Variants in ZC3H12B observed in about 807,000 individuals in gnomAD.
ZC3H12B encodes the protein probable ribonuclease ZC3H12B.
Under a neutral mutation model 43.9 loss-of-function variants are expected in ZC3H12B, and 7 were observed. That is an observed-to-expected ratio of 0.16 (90% CI 0.09 to 0.30). ZC3H12B has a LOEUF of 0.30. ZC3H12B is among the 10% of genes least tolerant of loss of function. The probability of loss-of-function intolerance (pLI) is 1.00; values close to 1 mark genes in which losing one functional copy is unlikely to be tolerated. For synonymous variants in ZC3H12B, 222 were observed against 241.7 expected, an observed-to-expected ratio of 0.92 and a Z score of 0.76; for missense variants, 475 against 670.2, an observed-to-expected ratio of 0.71 and a Z score of 3.22.
At chrX:65,068,619 C>G in the ZC3H12B span, among the ~76,000 whole-genome samples, 1 of 111,530 alleles carries the variant, frequency 9.0e-6, no homozygotes, top group Admixed American at 9.5e-5. Context: ...ATTTGTTCAT[C>G]GTTCATTCTT....
At chrX:65,305,422 G>A in the ZC3H12B span, among the ~76,000 whole-genome samples, 1 of 111,742 alleles carries the variant, frequency 8.9e-6, no homozygotes, top group Admixed American at 9.5e-5. Flanking sequence ...TTTTTATTTA[G>A]TGTTGGAATC....
chrX:65,314,833 A>G, the ZC3H12B span, among the ~76,000 whole-genome samples: 1 of 111,060 alleles, frequency 9.0e-6, no homozygotes, highest in African/African-American at 3.3e-5. Context: ...GTATGTAGAC[A>G]TAAGATATAT....
At chrX:65,496,131 AT>A (rs2068277174) in intron 1 of ZC3H12B, among the ~76,000 whole-genome samples, 1 of 112,264 alleles carries the variant, frequency 8.9e-6, no homozygotes, top group Non-Finnish European at 1.9e-5. Flanking sequence ...TTCTAAGCTT[AT>A]ACATAGGTTT....
the ZC3H12B span, among the ~76,000 whole-genome samples, chrX:65,054,369 C>G: frequency 9.6e-6 from 1 of 104,185 alleles, no homozygotes; most frequent in African/African-American, 3.4e-5. Context: ...ATAGGGAATC[C>G]TTTCCCCATT....
intron 3 of ZC3H12B, among the ~76,000 whole-genome samples, chrX:65,419,563 G>C (rs748615488): frequency 2.2e-4 from 24 of 111,459 alleles, no homozygotes; most frequent in African/African-American, 7.2e-4. Context: ...ACATATGACT[G>C]CTCCCCAAAG....
the ZC3H12B span, among the ~76,000 whole-genome samples, chrX:65,218,628 G>T: frequency 9.1e-6 from 1 of 110,310 alleles, no homozygotes; most frequent in African/African-American, 3.3e-5. Flanking sequence ...ATTGCCCCAG[G>T]AACCACACCC....
chrX:65,494,654 G>A (rs947260634), intron 1 of ZC3H12B, among the ~76,000 whole-genome samples: 2 of 109,168 alleles, frequency 1.8e-5, no homozygotes, highest in South Asian at 3.9e-4. Context: ...GTTGGCGTGC[G>A]TTTGTAATCC....
chrX:65,438,025 C>G (rs1310885270), intron 3 of ZC3H12B, among the ~76,000 whole-genome samples: 33 of 111,962 alleles, frequency 2.9e-4, no homozygotes, highest in Non-Finnish European at 1.3e-4. Context: ...TTCTTGACAC[C>G]TTTGTCAAAT....
chrX:65,173,282 A>G, the ZC3H12B span, among the ~76,000 whole-genome samples: 1 of 112,091 alleles, frequency 8.9e-6, no homozygotes, highest in African/African-American at 3.2e-5. Context: ...GTATCCTGAC[A>G]CTTTGCTGAA....
chrX:65,262,181 G>A, the ZC3H12B span, among the ~76,000 whole-genome samples: 2 of 110,645 alleles, frequency 1.8e-5, no homozygotes, highest in East Asian at 2.8e-4. Context: ...GTTTTAAAAC[G>A]CAAAGTTTTC....
At chrX:65,479,567 T>C (rs940555713) in intron 3 of ZC3H12B, among the ~76,000 whole-genome samples, 1 of 110,987 alleles carries the variant, frequency 9.0e-6, no homozygotes, top group Non-Finnish European at 1.9e-5. Context: ...CGGGTTTCAC[T>C]GCATTGGCCA....
chrX:65,131,638 T>C, the ZC3H12B span, among the ~76,000 whole-genome samples: 1 of 111,489 alleles, frequency 9.0e-6, no homozygotes, highest in Non-Finnish European at 1.9e-5. Flanking sequence ...TTAGTCAGGA[T>C]GGTAAAACTA....
chrX:65,118,919 G>A, the ZC3H12B span, among the ~76,000 whole-genome samples: 14,455 of 107,178 alleles, frequency 0.13, 2,488 homozygotes, highest in African/African-American at 0.46. Flanking sequence ...CTGTCCTTGC[G>A]ATAGTTTCCT....
At chrX:65,171,655 G>A in the ZC3H12B span, among the ~76,000 whole-genome samples, 2 of 111,222 alleles carry the variant, frequency 1.8e-5, no homozygotes, top group Non-Finnish European at 3.8e-5. Context: ...GTCTACAGAG[G>A]TAGGCAGGCC....
chrX:65,372,419 T>C lies in ZC3H12B; in HGVS notation n.295+3421T>C, dbSNP rs764038363. ...CACTGACATCATGGGGCTTTCAGCC[T>C]GATTGCGGACATATTTTAAGAAAGG... On this transcript the variant is annotated intron_variant and non_coding_transcript_variant, in intron 2 of 5. Transcript: ENST00000617377. Among the ~76,000 whole-genome samples, 65 of 108,158 alleles carry C rather than the reference T, an allele frequency of 6.0e-4. No individual in the cohort carries two copies. The South Asian group carries it at 8.1e-3, about 13-fold the overall frequency. The allele number at this position is 108,158 out of a possible 115,157, so 93.9% of individuals were successfully genotyped here.
At chrX:65,060,273 T>C in the ZC3H12B span, among the ~76,000 whole-genome samples, 1 of 112,288 alleles carries the variant, frequency 8.9e-6, no homozygotes, top group Non-Finnish European at 1.9e-5. Flanking sequence ...TGGCAGGGTG[T>C]ATCCCTGTTG....
the ZC3H12B span, among the ~76,000 whole-genome samples, chrX:65,234,863 G>T: frequency 9.0e-6 from 1 of 111,316 alleles, no homozygotes; most frequent in African/African-American, 3.3e-5. Flanking sequence ...CACTTCTCCA[G>T]AAAGGCCCCA....
At chrX:65,236,896 A>G in the ZC3H12B span, among the ~76,000 whole-genome samples, 6 of 111,594 alleles carry the variant, frequency 5.4e-5, no homozygotes, top group Non-Finnish European at 1.1e-4. Flanking sequence ...ATTATCTTCC[A>G]TTAGTCTATG....
At chrX:65,225,085 T>A in the ZC3H12B span, among the ~76,000 whole-genome samples, 1 of 112,027 alleles carries the variant, frequency 8.9e-6, no homozygotes, top group Non-Finnish European at 1.9e-5. Flanking sequence ...AGTGGGTCCC[T>A]GACCCCTGAC....
Sources: allele counts gnomAD v4.1 joint callset (sites outside exome capture counted in the v4.1 genomes callset), GRCh38; gene constraint gnomAD v4.1.1; transcripts MANE v1.5; gene names NCBI Gene and HGNC (gene_info 2026-07-23, HGNC 2026-07-21).